PHTF2: variants seen among roughly 807,000 people sequenced by gnomAD.
The protein encoded by PHTF2 is putative homeodomain transcription factor 2, also known as protein PHTF2.
In PHTF2, 60 loss-of-function variants were observed where a neutral mutation model predicts 101.2. That is an observed-to-expected ratio of 0.59 (90% CI 0.48 to 0.73). The LOEUF (loss-of-function observed/expected upper bound fraction) is 0.73. PHTF2 is among the 30% of genes least tolerant of loss of function. The probability of loss-of-function intolerance (pLI) is 0.00; values close to 1 mark genes in which losing one functional copy is unlikely to be tolerated. For missense variants in PHTF2, 747 were observed against 908.7 expected (o/e 0.82, Z 2.29); for synonymous variants, 311 against 307.3 (o/e 1.01, Z -0.13).
At chr7:77,922,474 C>A in intron 10 of PHTF2, 149 bp from the exon 10 acceptor site, 1 of 478,688 alleles carries the variant, frequency 2.1e-6, no homozygotes. Flanking sequence ...TTCAGAAAAT[C>A]AGGTAATACT....
chr7:77,952,073 C>T (rs1288813714), intron 18 of PHTF2, among the ~76,000 whole-genome samples: 1 of 151,868 alleles, frequency 6.6e-6, no homozygotes, highest in African/African-American at 2.4e-5. Context: ...TTCTGGTTGG[C>T]CTGAGTTAGC....
At chr7:77,874,796 A>T (rs905206204) in intron 3 of PHTF2, among the ~76,000 whole-genome samples, 5 of 152,204 alleles carry the variant, frequency 3.3e-5, no homozygotes, top group Admixed American at 2.0e-4. Context: ...TAACCATCAC[A>T]TATGTGGTAA....
chr7:77,925,503 T>G (rs1803890975), intron 11 of PHTF2, among the ~76,000 whole-genome samples: 1 of 97,626 alleles, frequency 1.0e-5, no homozygotes, highest in African/African-American at 5.7e-5. Flanking sequence ...GGGTTTTTTT[T>G]TTTTTTTTTT....
At chr7:77,919,050 T>C (rs1803199440) in intron 9 of PHTF2, among the ~76,000 whole-genome samples, 2 of 152,040 alleles carry the variant, frequency 1.3e-5, no homozygotes, top group Admixed American at 1.3e-4. Context: ...TCCCAGAGAG[T>C]AGGCAGTTTG....
intron 3 of PHTF2, among the ~76,000 whole-genome samples, chr7:77,886,253 G>T (rs892024794): frequency 1.3e-5 from 2 of 152,098 alleles, no homozygotes; most frequent in Non-Finnish European, 2.9e-5. Flanking sequence ...TTTTCAAATT[G>T]TTTTTCAAAG....
intron 3 of PHTF2, among the ~76,000 whole-genome samples, chr7:77,888,962 A>T (rs895188145): frequency 6.6e-6 from 1 of 152,172 alleles, no homozygotes; most frequent in South Asian, 2.1e-4. Context: ...TGTTAATGGA[A>T]ATATCTGTTA....
intron 6 of PHTF2, among the ~76,000 whole-genome samples, chr7:77,901,155 C>G (rs775310420): frequency 6.6e-6 from 1 of 152,206 alleles, no homozygotes; most frequent in Non-Finnish European, 1.5e-5. Flanking sequence ...GGGCTTCACC[C>G]TTATGGCCCG....
At chr7:77,920,229 A>G (rs1457858380) in intron 9 of PHTF2, 50 bp from the exon 9 acceptor site, 3 of 987,336 alleles carry the variant, frequency 3.0e-6, no homozygotes, top group Non-Finnish European at 3.0e-6. Flanking sequence ...TCAGTAACCT[A>G]TCCAAAATAA....
At chr7:77,909,721 A>G (rs1335967523) in intron 8 of PHTF2, 1 of 152,682 alleles carries the variant, frequency 6.5e-6, no homozygotes. Flanking sequence ...TAAATATAGC[A>G]TATCTCACTG....
At chr7:77,933,107 G>A (rs1157847019) in intron 12 of PHTF2, among the ~76,000 whole-genome samples, 14 of 152,008 alleles carry the variant, frequency 9.2e-5, no homozygotes, top group Non-Finnish European at 1.8e-4. Context: ...GCGTGGTGGC[G>A]GGTGCCTGTA....
intron 1 of PHTF2, among the ~76,000 whole-genome samples, chr7:77,821,063 A>G (rs945802438): frequency 1.2e-4 from 19 of 152,116 alleles, no homozygotes; most frequent in African/African-American, 4.3e-4. Flanking sequence ...TGTCTATGAA[A>G]GGTTTTATTT....
intron 7 of PHTF2, among the ~76,000 whole-genome samples, chr7:77,905,745 G>C (rs931073189): frequency 1.3e-5 from 2 of 151,462 alleles, no homozygotes; most frequent in African/African-American, 4.9e-5. Flanking sequence ...CAGTCCACCC[G>C]CCTCAGCCTG....
intron 9 of PHTF2, among the ~76,000 whole-genome samples, chr7:77,913,943 G>A (rs1482603040): frequency 1.3e-5 from 2 of 151,842 alleles, no homozygotes; most frequent in Non-Finnish European, 2.9e-5. Flanking sequence ...GCACGTGCCT[G>A]TAATCCCAGC....
intron 1 of PHTF2, among the ~76,000 whole-genome samples, chr7:77,838,411 G>C (rs1795629765): frequency 6.6e-6 from 1 of 152,098 alleles, no homozygotes; most frequent in Admixed American, 6.5e-5. Flanking sequence ...TAATTGGATA[G>C]CTATTTTTAT....
rs762973328 is a variant in PHTF2 at position 77,854,833 on chromosome 7, T to C, written c.146T>C (p.Leu49Ser). The C allele has an allele frequency of 1.4e-4, 108 of 757,894 alleles. 2 individuals carry two copies. In the Admixed American group the frequency reaches 1.8e-3, roughly 13 times the overall value. The allele number at this position is 757,894 out of a possible 1,614,324, so 46.9% of individuals were successfully genotyped here. A position where few individuals can be genotyped will look rare whatever the true frequency, so the allele number is the denominator to read the frequency against. ...GACCAAGGGCTCTTCATTCAGTGTT[T>C]GGTGAGTAATGCCAGGCCTGTTCTC... The change falls in exon 3 of 20, where the codon TTG becomes TCG. Residue 49 changes from leucine (L) to serine (S), a missense_variant and splice_region_variant. By Grantham distance (145) the Leu-to-Ser change is moderately radical. Transcript: ENST00000416283.
intron 8 of PHTF2, chr7:77,909,554 G>A (rs1802181620): frequency 6.6e-6 from 1 of 151,964 alleles, no homozygotes; most frequent in Non-Finnish European, 1.5e-5. Flanking sequence ...TTTTTGTAGA[G>A]ATGGGGTCTC....
intron 12 of PHTF2, among the ~76,000 whole-genome samples, chr7:77,932,616 G>C (rs1421703720): frequency 5.9e-5 from 8 of 134,596 alleles, no homozygotes; most frequent in Admixed American, 4.9e-4. Context: ...GAGAGAGAGA[G>C]AGAGAGTGTG....
intron 17 of PHTF2, among the ~76,000 whole-genome samples, chr7:77,950,892 T>C (rs188375174): frequency 2.6e-5 from 4 of 152,318 alleles, no homozygotes; most frequent in African/African-American, 9.6e-5. Context: ...ATCTGATAGA[T>C]ATATCATGTT....
chr7:77,823,964 A>T (rs1455636589), intron 1 of PHTF2, among the ~76,000 whole-genome samples: 1 of 152,250 alleles, frequency 6.6e-6, no homozygotes, highest in Non-Finnish European at 1.5e-5. Flanking sequence ...TAGTGAAAGT[A>T]AAGCAACAAT....
Sources: gnomAD v4.1 joint callset for allele counts (sites outside exome capture counted in the v4.1 genomes callset) on GRCh38, gnomAD v4.1.1 for gene constraint, MANE v1.5 for transcripts, NCBI Gene and HGNC (gene_info 2026-07-23, HGNC 2026-07-21) for gene names.